The following RBFOX1 variants were observed in gnomAD, a reference collection of about 807,000 sequenced individuals.
The protein encoded by RBFOX1 is RNA binding fox-1 homolog 1, also known as RNA binding protein fox-1 homolog 1.
In RBFOX1, 8 loss-of-function variants were observed where a neutral mutation model predicts 57.7. That is an observed-to-expected ratio of 0.14 (90% CI 0.08 to 0.25). The LOEUF is 0.25. RBFOX1 is among the 10% of genes least tolerant of loss of function. The pLI, the probability that RBFOX1 is intolerant of heterozygous loss-of-function variation, is 1.00. For missense variants in RBFOX1, 611 were observed against 548.5 expected (o/e 1.11, Z -1.14); for synonymous variants, 326 against 222.4 (o/e 1.47, Z -4.15).
intron 5 of RBFOX1, among the ~76,000 whole-genome samples, chr16:7,531,341 A>G (rs1304902990): frequency 2.0e-5 from 3 of 152,196 alleles, no homozygotes; most frequent in Non-Finnish European, 4.4e-5. Context: ...ACTAGCATTT[A>G]GTGAGCTCAT....
chr16:6,032,187 C>G (rs1041967829), intron 1 of RBFOX1, among the ~76,000 whole-genome samples: 2 of 151,966 alleles, frequency 1.3e-5, no homozygotes, highest in African/African-American at 4.8e-5. Flanking sequence ...TTCCTTCTTC[C>G]TTGCTGGTCT....
intron 3 of RBFOX1, among the ~76,000 whole-genome samples, chr16:5,730,943 CACTATCAGT>C (rs2052345357): frequency 6.7e-6 from 1 of 148,832 alleles, no homozygotes; most frequent in East Asian, 1.9e-4. Flanking sequence ...TCACCATCAT[CACTATCAGT>C]ATCACCACCG....
intron 3 of RBFOX1, among the ~76,000 whole-genome samples, chr16:5,813,567 ATAT>A (rs2055512957): frequency 6.6e-6 from 1 of 152,254 alleles, no homozygotes; most frequent in African/African-American, 2.4e-5. Context: ...AAAAGGTCAC[ATAT>A]TATAAAATTC....
intron 3 of RBFOX1, among the ~76,000 whole-genome samples, chr16:6,982,453 G>C (rs5015420): frequency 0.54 from 82,243 of 151,892 alleles, 23,535 homozygotes; most frequent in Non-Finnish European, 0.63. Flanking sequence ...TTTCATTGCA[G>C]CGAGCTCCTT....
chr16:6,884,040 G>T (rs538232756), intron 3 of RBFOX1, among the ~76,000 whole-genome samples: 1 of 152,264 alleles, frequency 6.6e-6, no homozygotes, highest in African/African-American at 2.4e-5. Flanking sequence ...CTGACAAACT[G>T]ATCCTGTTAA....
intron 1 of RBFOX1, among the ~76,000 whole-genome samples, chr16:6,060,365 A>G (rs1035563): frequency 0.2 from 29,897 of 151,998 alleles, 3,654 homozygotes; most frequent in Non-Finnish European, 0.27. Context: ...ATGAGTTAAT[A>G]GATATAAAAC....
rs568399550 is a variant in RBFOX1 at position 5,931,828 on chromosome 16, G to C, written c.351+64493G>C. Among the ~76,000 whole-genome samples the C allele has an allele frequency of 4.9e-4, 74 of 152,268 alleles. 1 individual carries two copies. The highest frequency in any genetic ancestry group is 7.1e-4 in the Non-Finnish European group (48 of 68,026). On this transcript the variant is annotated intron_variant, in intron 4 of 19. Transcript: ENST00000641259. Reference sequence around the variant, plus strand: ...ACTGCTGTGATTAGATTGTTATGTGGCATAGGTCTTGCTCTGTCTCCCAGG... The same window carrying C: ...ACTGCTGTGATTAGATTGTTATGTGCCATAGGTCTTGCTCTGTCTCCCAGG...
At chr16:5,498,203 C>T (rs774003049) in intron 2 of RBFOX1, among the ~76,000 whole-genome samples, 4 of 152,106 alleles carry the variant, frequency 2.6e-5, no homozygotes, top group Non-Finnish European at 2.9e-5. Context: ...AGTGCAATGG[C>T]GGGATCTCGG....
At chr16:6,175,961 G>A (rs1418299251) in intron 1 of RBFOX1, among the ~76,000 whole-genome samples, 2 of 152,064 alleles carry the variant, frequency 1.3e-5, no homozygotes, top group Non-Finnish European at 2.9e-5. Flanking sequence ...CCCCAGATAT[G>A]TTAACTTCAA....
intron 1 of RBFOX1, among the ~76,000 whole-genome samples, chr16:6,278,211 G>T (rs2076025386): frequency 6.6e-6 from 1 of 151,986 alleles, no homozygotes; most frequent in Non-Finnish European, 1.5e-5. Context: ...TTTCGGCTCA[G>T]TCCCCTTTTG....
chr16:6,289,866 A>G (rs1260649153), intron 1 of RBFOX1, among the ~76,000 whole-genome samples: 1 of 152,186 alleles, frequency 6.6e-6, no homozygotes, highest in Non-Finnish European at 1.5e-5. Flanking sequence ...TCAGTAAGAG[A>G]ATAATGATTT....
chr16:7,037,993 C>T (rs145205603), intron 3 of RBFOX1, among the ~76,000 whole-genome samples: 1 of 152,302 alleles, frequency 6.6e-6, no homozygotes, highest in African/African-American at 2.4e-5. Flanking sequence ...AAAAAAATTA[C>T]AGTTAAAACA....
chr16:5,722,976 T>C (rs2151538676), intron 3 of RBFOX1, among the ~76,000 whole-genome samples: 2 of 152,310 alleles, frequency 1.3e-5, no homozygotes, highest in East Asian at 3.9e-4. Flanking sequence ...GCCCTATTTG[T>C]CCACTGCCAT....
At chr16:5,775,694 G>T (rs2054124672) in intron 3 of RBFOX1, among the ~76,000 whole-genome samples, 1 of 152,210 alleles carries the variant, frequency 6.6e-6, no homozygotes, top group African/African-American at 2.4e-5. Flanking sequence ...AAAACCATGG[G>T]TTTGATACTC....
chr16:7,620,230 T>A (rs1239468802), intron 10 of RBFOX1, among the ~76,000 whole-genome samples: 2 of 152,216 alleles, frequency 1.3e-5, no homozygotes, highest in African/African-American at 4.8e-5. Flanking sequence ...CCAAACACTT[T>A]CATGCCATAG....
At chr16:5,765,398 C>T (rs1309035217) in intron 3 of RBFOX1, among the ~76,000 whole-genome samples, 1 of 152,162 alleles carries the variant, frequency 6.6e-6, no homozygotes, top group African/African-American at 2.4e-5. Flanking sequence ...GGGAAAAAAT[C>T]CCATTAAAAA....
At chr16:7,675,805 T>G (rs2073105316) in intron 13 of RBFOX1, among the ~76,000 whole-genome samples, 1 of 152,196 alleles carries the variant, frequency 6.6e-6, no homozygotes, top group Non-Finnish European at 1.5e-5. Flanking sequence ...ATTATGGGAC[T>G]GTGTGTTCTA....
At chr16:6,283,009 G>A (rs780547519) in intron 1 of RBFOX1, among the ~76,000 whole-genome samples, 1 of 152,174 alleles carries the variant, frequency 6.6e-6, no homozygotes, top group African/African-American at 2.4e-5. Flanking sequence ...ACTGAGTCTA[G>A]ATGTGCTCCT....
chr16:6,972,314 T>C (rs1056076526), intron 3 of RBFOX1, among the ~76,000 whole-genome samples: 1 of 152,126 alleles, frequency 6.6e-6, no homozygotes, highest in Non-Finnish European at 1.5e-5. Flanking sequence ...TTGGGCTACG[T>C]TTGCTACCTT....
Sources: allele counts gnomAD v4.1 joint callset (sites outside exome capture counted in the v4.1 genomes callset), GRCh38; gene constraint gnomAD v4.1.1; transcripts MANE v1.5; gene names NCBI Gene and HGNC (gene_info 2026-07-23, HGNC 2026-07-21).